The following FNTB variants were observed in gnomAD, a reference collection of about 807,000 sequenced individuals.
FNTB encodes the protein farnesyltransferase, CAAX box, subunit beta.
Under a neutral mutation model 59.4 loss-of-function variants are expected in FNTB, and 27 were observed. That is an observed-to-expected ratio of 0.45 (90% CI 0.34 to 0.63). The LOEUF (loss-of-function observed/expected upper bound fraction) is 0.63, where lower values mean the gene tolerates loss of function less well. Among genes scored for constraint, FNTB ranks in the 20% least tolerant of loss-of-function variants. FNTB has a pLI of 0.02. For synonymous variants in FNTB, 230 were observed against 220.7 expected (o/e 1.04, Z -0.37); for missense variants, 449 against 559.6 (o/e 0.80, Z 1.99).
Position 65,027,404 on chromosome 14 carries a change from G to C in FNTB, c.375-49G>C, listed in dbSNP as rs752718240. The C allele has an allele frequency of 1.3e-5, 21 of 1,604,386 alleles. No homozygotes were observed. The Middle Eastern group carries it at 6.7e-4, about 51-fold the overall frequency. ...GAATCTAGTGGGAATTTGGTGTTTT[G>C]ACATGAATGCTCTCTGACTTTGTTT... On this transcript the variant is annotated intron_variant, in intron 4 of 11. Transcript: ENST00000246166. The surrounding 1 kb of genome is among the most constrained non-coding windows in gnomAD (Gnocchi z 5.7).
In FNTB at chr14:65,017,656, A is replaced by T. The variant is rs1012392881; in HGVS notation, c.374+1940A>T. Among the ~76,000 whole-genome samples, 43 of 152,282 alleles carry T rather than the reference A, an allele frequency of 2.8e-4. 1 individual carries two copies. The South Asian group carries it at 2.9e-3, about 10-fold the overall frequency. ...CAACAGTAGAGAATGTTTAAAAAAAATTTTTTTTAAATGTAAAGCTGGGTG... is the reference window on the plus strand; with the variant it reads ...CAACAGTAGAGAATGTTTAAAAAAATTTTTTTTTAAATGTAAAGCTGGGTG... On this transcript the variant is annotated intron_variant, in intron 4 of 11. Transcript: ENST00000246166.
In FNTB at chr14:65,047,978, A is replaced by ATTTTT. The variant is rs34879850; in HGVS notation, c.955+3558_955+3562dup. 3.1e-5 allele frequency among the ~76,000 whole-genome samples: 2 copies of ATTTTT among 64,128 alleles called. No individual in the cohort carries two copies. The highest frequency in any genetic ancestry group is 5.5e-5 in the Non-Finnish European group (2 of 36,398). The allele number at this position is 64,128 out of a possible 152,430, so 42.1% of individuals were successfully genotyped here. On this transcript the variant is annotated intron_variant, in intron 9 of 11. Transcript: ENST00000246166. This position sits in a 1 kb window ranked among gnomAD's most constrained non-coding sequence, Gnocchi z 5.2. ...AGACAGAAGGAGGGAGACTTTTTAG[A>ATTTTT]TTTTTTTTTTTTTTTTTTTTTTTTT...
chr14:64,986,987 C>T lies in FNTB; in HGVS notation c.34C>T (p.Pro12Ser), dbSNP rs1178422073. ...ASPSSFTYYC[P>S]PSSSPVWSEP... ...TCCGAGTTCTTTCACCTACTATTGC[C>T]CTCCATCTTCCTCCCCCGTCTGGTC... is the stretch of plus-strand genomic sequence containing the variant. The change falls in exon 1 of 12, where the codon CCT becomes TCT. Residue 12 changes from proline to serine, a missense_variant. Physicochemically the swap from Pro to Ser is moderately conservative, Grantham distance 74. Coordinates refer to ENST00000246166, the MANE Select transcript of FNTB (RefSeq NM_002028.4). 9 of 1,614,228 alleles carry T rather than the reference C, an allele frequency of 5.6e-6. No homozygotes were observed. The highest frequency in any genetic ancestry group is 1.3e-5 in the African/African-American group (1 of 75,064).
chr14:65,017,718 G>A (rs2061804860), intron 4 of FNTB, among the ~76,000 whole-genome samples: 1 of 152,194 alleles, frequency 6.6e-6, no homozygotes, highest in Non-Finnish European at 1.5e-5. Context: ...CACTTTGGGA[G>A]GTTGAGGTGG....
rs575837410 is a variant in FNTB at position 65,023,120 on chromosome 14, C to T, written c.375-4333C>T. On this transcript the variant is annotated intron_variant, in intron 4 of 11. Transcript: ENST00000246166. This position sits in a 1 kb window ranked among gnomAD's most constrained non-coding sequence, Gnocchi z 4.1. Reference sequence around the variant, plus strand: ...TTGTCTGGGCTGGAATGCAGTGGCACAATCACAGCTCACTGCAACCTGGAC... The same window carrying T: ...TTGTCTGGGCTGGAATGCAGTGGCATAATCACAGCTCACTGCAACCTGGAC... 2.6e-5 allele frequency among the ~76,000 whole-genome samples: 4 copies of T among 152,330 alleles called. 1 individual carries two copies. Among genetic ancestry groups the T allele is most frequent in the Admixed American group, 2.6e-4 (4 of 15,298 alleles).
intron 4 of FNTB, among the ~76,000 whole-genome samples, chr14:65,024,251 A>T (rs889189445): frequency 1.3e-5 from 2 of 151,382 alleles, no homozygotes; most frequent in African/African-American, 4.8e-5. Flanking sequence ...TGGGGAGTTT[A>T]AAAAAAATAC....
chr14:65,019,516 T>A (rs1001049090), intron 4 of FNTB, among the ~76,000 whole-genome samples: 3 of 152,008 alleles, frequency 2.0e-5, no homozygotes, highest in African/African-American at 7.3e-5. Flanking sequence ...ACATTTTTTT[T>A]AAGCTTACTT....
Position 65,054,789 on chromosome 14 carries a change from C to T in FNTB, c.1182+100C>T. On this transcript the variant is annotated intron_variant, in intron 11 of 11. Coordinates refer to ENST00000246166, the MANE Select transcript of FNTB (RefSeq NM_002028.4). The surrounding 1 kb of genome is among the most constrained non-coding windows in gnomAD (Gnocchi z 4.4). ...ACTGGCTCTGCATTTCCTGTGTGGA[C>T]AGGCGGAAGCTTGTGGTCCCTCTGC... is the stretch of plus-strand genomic sequence containing the variant. 6 of 1,314,650 alleles carry T rather than the reference C, an allele frequency of 4.6e-6. No homozygotes were observed. The highest frequency in any genetic ancestry group is 6.3e-6 in the Non-Finnish European group (6 of 950,656). The allele number at this position is 1,314,650 out of a possible 1,614,324, so 81.4% of individuals were successfully genotyped here.
intron 1 of FNTB, among the ~76,000 whole-genome samples, chr14:65,002,675 A>G (rs570976729): frequency 6.6e-6 from 1 of 152,268 alleles, no homozygotes; most frequent in African/African-American, 2.4e-5. Context: ...GTTTAGTCAT[A>G]GGGTCACCTG....
At position 65,009,021 on chromosome 14, in the gene FNTB, G is replaced by T. The variant is rs1254597596; in HGVS notation, c.210-3296G>T. Among the ~76,000 whole-genome samples, 1 of 152,144 alleles carries T rather than the reference G, an allele frequency of 6.6e-6. No homozygotes were observed. The highest frequency in any genetic ancestry group is 1.5e-5 in the Non-Finnish European group (1 of 68,036). ...CCCCCTCAAGTCCTGCACGAAACCT[G>T]TCTTATTCTGCTCCATGTAATTGAA... On this transcript the variant is annotated intron_variant, in intron 2 of 11. Transcript: ENST00000246166. The surrounding 1 kb of genome is among the most constrained non-coding windows in gnomAD (Gnocchi z 4.2).
intron 9 of FNTB, among the ~76,000 whole-genome samples, chr14:65,052,781 A>G (rs2062644293): frequency 6.6e-6 from 1 of 152,214 alleles, no homozygotes; most frequent in Non-Finnish European, 1.5e-5. Context: ...AGTAGAAGAA[A>G]CAGACTTTAT....
intron 9 of FNTB, among the ~76,000 whole-genome samples, chr14:65,045,588 G>A (rs2062460075): frequency 6.6e-6 from 1 of 152,026 alleles, no homozygotes; most frequent in African/African-American, 2.4e-5. Flanking sequence ...GCTAATTTTT[G>A]TATTTTTAGT....
At position 64,994,514 on chromosome 14, in the gene FNTB, A is replaced by G. The variant is rs1888322541; in HGVS notation, c.144+7417A>G. On this transcript the variant is annotated intron_variant, in intron 1 of 11. Transcript: ENST00000246166. This position sits in a 1 kb window ranked among gnomAD's most constrained non-coding sequence, Gnocchi z 4.2. ...GTATAGCTTGTTGCTCCTAGGCTACAGGCTACAAACCTACACAGTATGTTA... is the reference window on the plus strand; with the variant it reads ...GTATAGCTTGTTGCTCCTAGGCTACGGGCTACAAACCTACACAGTATGTTA... Among the ~76,000 whole-genome samples the G allele has an allele frequency of 6.6e-6, 1 of 152,254 alleles. No individual in the cohort carries two copies. Among genetic ancestry groups the G allele is most frequent in the Admixed American group, 6.5e-5 (1 of 15,290 alleles).
At chr14:64,998,383 G>A (rs1312724740) in intron 1 of FNTB, among the ~76,000 whole-genome samples, 1 of 152,114 alleles carries the variant, frequency 6.6e-6, no homozygotes, top group African/African-American at 2.4e-5. Flanking sequence ...GAAGACAAAG[G>A]TTTTTCAAGG....
intron 9 of FNTB, among the ~76,000 whole-genome samples, chr14:65,045,696 G>C (rs1020087479): frequency 7.2e-5 from 11 of 152,078 alleles, no homozygotes; most frequent in African/African-American, 2.7e-4. Context: ...GATTATAGGC[G>C]TGAGCCACCG....
chr14:65,057,734 A>G (rs954943097), intron 11 of FNTB, among the ~76,000 whole-genome samples: 1 of 152,232 alleles, frequency 6.6e-6, no homozygotes, highest in Non-Finnish European at 1.5e-5. Flanking sequence ...GTTTCTGTGT[A>G]TGGTGAGGCT....
At position 65,040,917 on chromosome 14, in the gene FNTB, T is replaced by G; in HGVS notation, c.820T>G (p.Leu274Val). The G allele has an allele frequency of 6.2e-7, 1 of 1,613,604 alleles. No individual in the cohort carries two copies. Among genetic ancestry groups the G allele is most frequent in the Non-Finnish European group, 8.5e-7 (1 of 1,179,670 alleles). ...RERSLNLKSL[L>V]QWVTSRQMRF... ...ACGTTCCTTGAACTTGAAGAGCTTA[T>G]TAGTAAGTATCTTTTGAGCCATCCC... The change falls in exon 8 of 12, where the codon TTA becomes GTA. Residue 274 changes from leucine to valine, a missense_variant and splice_region_variant. Transcript: ENST00000246166.
At chr14:65,035,466 G>C (rs943839835) in intron 7 of FNTB, among the ~76,000 whole-genome samples, 4 of 152,150 alleles carry the variant, frequency 2.6e-5, no homozygotes, top group Non-Finnish European at 5.9e-5. Context: ...GACAGCCTGG[G>C]TTTGAATCCC....
At chr14:64,992,574 T>TA (rs1888241871) in intron 1 of FNTB, among the ~76,000 whole-genome samples, 1 of 152,228 alleles carries the variant, frequency 6.6e-6, no homozygotes, top group African/African-American at 2.4e-5. Flanking sequence ...AATAAGGTGT[T>TA]ACCACTGAAC....
Sources: gnomAD v4.1 joint callset for allele counts (sites outside exome capture counted in the v4.1 genomes callset) on GRCh38, gnomAD v4.1.1 for gene constraint, Gnocchi (gnomAD v3.1) non-coding constraint, MANE v1.5 for transcripts, NCBI Gene and HGNC (gene_info 2026-07-23, HGNC 2026-07-21) for gene names.